The following IMMP2L variants were observed in gnomAD, a reference collection of about 807,000 sequenced individuals.
IMMP2L encodes inner mitochondrial membrane peptidase subunit 2.
IMMP2L carries 18 observed loss-of-function variants against 19.3 expected under a neutral mutation model. That is an observed-to-expected ratio of 0.93 (90% CI 0.64 to 1.38). The LOEUF (loss-of-function observed/expected upper bound fraction) is 1.38. Among genes scored for constraint, IMMP2L ranks in the 40% most tolerant of loss-of-function variants. The pLI is 0.00. For missense variants in IMMP2L, 233 were observed against 218.2 expected (o/e 1.07, Z -0.43); for synonymous variants, 76 against 73.0 (o/e 1.04, Z -0.21).
chr7:111,065,177 C>A (rs888586105), intron 3 of IMMP2L, among the ~76,000 whole-genome samples: 1 of 152,174 alleles, frequency 6.6e-6, no homozygotes, highest in Admixed American at 6.5e-5. Context: ...CATGTATACA[C>A]TTGTAATAAG....
chr7:110,951,699 G>T (rs575842338), intron 4 of IMMP2L, among the ~76,000 whole-genome samples: 3 of 152,160 alleles, frequency 2.0e-5, no homozygotes, highest in South Asian at 4.1e-4. Context: ...ATGGAACACA[G>T]CAGGGACTGA....
intron 4 of IMMP2L, among the ~76,000 whole-genome samples, chr7:110,923,451 T>G (rs947171721): frequency 6.6e-6 from 1 of 152,108 alleles, no homozygotes; most frequent in African/African-American, 2.4e-5. Flanking sequence ...ACAGAAAGTC[T>G]TAAAAGAAAA....
At chr7:111,323,443 A>G (rs1382716244) in intron 3 of IMMP2L, among the ~76,000 whole-genome samples, 2 of 152,148 alleles carry the variant, frequency 1.3e-5, no homozygotes, top group African/African-American at 4.8e-5. Context: ...CCAATGAGAT[A>G]CCATCTCACA....
chr7:110,996,238 T>C (rs952478023), intron 3 of IMMP2L, among the ~76,000 whole-genome samples: 6 of 152,214 alleles, frequency 3.9e-5, no homozygotes, highest in Middle Eastern at 3.4e-3. Flanking sequence ...AATGATATTA[T>C]AGCTAAGATA....
rs116373579 is a variant in IMMP2L, at chr7:110,856,829, T to C, written c.408+29764A>G. 5.1e-3 allele frequency among the ~76,000 whole-genome samples: 769 copies of C among 152,164 alleles called. 9 individuals carry two copies. The highest frequency in any genetic ancestry group is 0.018 in the African/African-American group (740 of 41,562). On this transcript the variant is annotated intron_variant, in intron 5 of 5. Coordinates refer to ENST00000405709, the MANE Select transcript of IMMP2L (RefSeq NM_032549.4). ...TTAGGCTTCCTAAATGCTGATGAGA[T>C]GGCTTGGTGTTCATTAAACAGCAGT...
At chr7:111,147,288 A>G (rs1236418033) in intron 3 of IMMP2L, among the ~76,000 whole-genome samples, 5 of 152,058 alleles carry the variant, frequency 3.3e-5, no homozygotes, top group Non-Finnish European at 5.9e-5. Flanking sequence ...TCTTCCTCAA[A>G]TATCTTGTGA....
chr7:111,176,683 A>C (rs2129610126), intron 3 of IMMP2L, among the ~76,000 whole-genome samples: 1 of 152,176 alleles, frequency 6.6e-6, no homozygotes, highest in African/African-American at 2.4e-5. Context: ...ATAGTTTAAT[A>C]GAATGAATAA....
At chr7:111,314,165 C>T (rs113284384) in intron 3 of IMMP2L, among the ~76,000 whole-genome samples, 3,162 of 152,142 alleles carry the variant, frequency 0.021, 116 homozygotes, top group African/African-American at 0.072. Context: ...AGGTATTTCT[C>T]TATAGCAATG....
At chr7:110,864,173 T>A (rs778641265) in intron 5 of IMMP2L, among the ~76,000 whole-genome samples, 6 of 152,134 alleles carry the variant, frequency 3.9e-5, no homozygotes, top group Admixed American at 3.9e-4. Context: ...ATTATACTTA[T>A]GATAAAAAGA....
chr7:110,946,388 G>C (rs2129553575), intron 4 of IMMP2L, among the ~76,000 whole-genome samples: 1 of 152,048 alleles, frequency 6.6e-6, no homozygotes. Flanking sequence ...TTAAAATATT[G>C]AGACAAATAT....
intron 5 of IMMP2L, among the ~76,000 whole-genome samples, chr7:110,719,162 C>T (rs1795418184): frequency 6.6e-6 from 1 of 152,062 alleles, no homozygotes; most frequent in Admixed American, 6.6e-5. Context: ...GATCTGAATC[C>T]AGACAAACAC....
In IMMP2L at chr7:111,326,916, G is replaced by A. The variant is rs80197868; in HGVS notation, c.239+160322C>T. ...CTCAAAGAAGTATTTGTATTCCCAT[G>A]TTCACTGCAGCACTATTCACAATAG... On this transcript the variant is annotated intron_variant, in intron 3 of 5. Transcript: ENST00000405709. 1.9e-3 allele frequency among the ~76,000 whole-genome samples: 294 copies of A among 151,958 alleles called. 4 individuals are homozygous for A. The highest frequency in any genetic ancestry group is 6.1e-3 in the African/African-American group (254 of 41,514).
At chr7:111,543,687 T>C (rs1848673974) in intron 1 of IMMP2L, among the ~76,000 whole-genome samples, 1 of 152,174 alleles carries the variant, frequency 6.6e-6, no homozygotes, top group South Asian at 2.1e-4. Flanking sequence ...GCAAAAGATA[T>C]GTAAATCAAC....
At chr7:110,998,971 C>T (rs1025576912) in intron 3 of IMMP2L, among the ~76,000 whole-genome samples, 18 of 152,122 alleles carry the variant, frequency 1.2e-4, no homozygotes, top group African/African-American at 3.1e-4. Context: ...TATCTGAAAA[C>T]GTCTTCAGTC....
intron 1 of IMMP2L, among the ~76,000 whole-genome samples, chr7:111,543,289 T>C (rs1184971777): frequency 1.3e-5 from 2 of 152,142 alleles, no homozygotes; most frequent in Non-Finnish European, 2.9e-5. Flanking sequence ...AAAACATTCA[T>C]AACCATATTA....
chr7:110,867,131 A>C (rs2129543433), intron 5 of IMMP2L, among the ~76,000 whole-genome samples: 1 of 152,068 alleles, frequency 6.6e-6, no homozygotes, highest in African/African-American at 2.4e-5. Flanking sequence ...TGACTTAAAC[A>C]ACAGAAATTC....
At chr7:110,907,068 G>T (rs1168204552) in intron 4 of IMMP2L, among the ~76,000 whole-genome samples, 4 of 151,492 alleles carry the variant, frequency 2.6e-5, no homozygotes, top group Non-Finnish European at 5.9e-5. Flanking sequence ...GGGGATGGGG[G>T]TTGGGGGTGC....
intron 4 of IMMP2L, among the ~76,000 whole-genome samples, chr7:110,899,141 A>T (rs1462830746): frequency 6.6e-6 from 1 of 152,176 alleles, no homozygotes; most frequent in Non-Finnish European, 1.5e-5. Flanking sequence ...ACGATACAGT[A>T]TCTTTTGAAT....
At chr7:110,744,493 G>T (rs1797197606) in intron 5 of IMMP2L, among the ~76,000 whole-genome samples, 1 of 152,170 alleles carries the variant, frequency 6.6e-6, no homozygotes, top group South Asian at 2.1e-4. Flanking sequence ...CCTCATACAG[G>T]AGAGCTCTGG....
Sources: allele counts gnomAD v4.1 joint callset (sites outside exome capture counted in the v4.1 genomes callset), GRCh38; gene constraint gnomAD v4.1.1; transcripts MANE v1.5; gene names NCBI Gene and HGNC (gene_info 2026-07-23, HGNC 2026-07-21).